Variants in LRRTM4 observed in about 807,000 individuals in gnomAD.
The protein encoded by LRRTM4 is leucine rich repeat transmembrane neuronal 4.
In LRRTM4, 25 loss-of-function variants were observed where a neutral mutation model predicts 47.6. The observed-to-expected ratio is 0.53, with a 90% CI of 0.38 to 0.73. The LOEUF is 0.73. Among genes scored for constraint, LRRTM4 ranks in the 30% least tolerant of loss-of-function variants. The pLI, the probability that LRRTM4 is intolerant of heterozygous loss-of-function variation, is 0.00. For synonymous variants in LRRTM4, 311 were observed against 269.5 expected, an observed-to-expected ratio of 1.15 and a Z score of -1.51; for missense variants, 638 against 713.4, an observed-to-expected ratio of 0.89 and a Z score of 1.20.
intron 3 of LRRTM4, among the ~76,000 whole-genome samples, chr2:76,901,609 G>C (rs769276866): frequency 6.6e-6 from 1 of 152,180 alleles, no homozygotes; most frequent in Non-Finnish European, 1.5e-5. Flanking sequence ...AATTTTTAAA[G>C]ACTTTTCTGT....
Position 77,019,253 on chromosome 2 carries a change from CAAAAAAAAA to C in LRRTM4, c.1552-270346_1552-270338del, listed in dbSNP as rs56028060. Reference sequence around the variant, plus strand: ...GGATACTAAGCTTGTCACTGCTCTACAAAAAAAAAAAAAAAAAAAAAAATATAAGAAGAA... The same window carrying C: ...GGATACTAAGCTTGTCACTGCTCTACAAAAAAAAAAAAAATATAAGAAGAA... On this transcript the variant is annotated intron_variant, in intron 3 of 3. Transcript: ENST00000409884. Among the ~76,000 whole-genome samples, 14 of 80,530 alleles carry C rather than the reference CAAAAAAAAA, an allele frequency of 1.7e-4. 1 individual carries two copies. Among genetic ancestry groups the C allele is most frequent in the African/African-American group, 5.0e-4 (11 of 21,796 alleles). 52.8% of individuals were successfully genotyped at this position (80,530 alleles called of 152,430 possible). A position where few individuals can be genotyped will look rare whatever the true frequency, so the allele number is the denominator to read the frequency against.
intron 3 of LRRTM4, among the ~76,000 whole-genome samples, chr2:76,760,580 A>G (rs1673218536): frequency 6.6e-6 from 1 of 151,908 alleles, no homozygotes; most frequent in Admixed American, 6.6e-5. Context: ...TAAACAGCCT[A>G]CTACCCAGGT....
At chr2:77,444,622 G>A (rs980058603) in intron 3 of LRRTM4, among the ~76,000 whole-genome samples, 3 of 151,380 alleles carry the variant, frequency 2.0e-5, no homozygotes, top group Non-Finnish European at 2.9e-5. Context: ...TAACTTGGGG[G>A]AAAAAACACC....
intron 3 of LRRTM4, among the ~76,000 whole-genome samples, chr2:77,248,870 T>C (rs6547134): frequency 0.69 from 104,353 of 151,950 alleles, 36,476 homozygotes; most frequent in African/African-American, 0.83. Context: ...AAACAGAGAC[T>C]TTATACTCTT....
At chr2:76,850,343 A>T (rs1239589043) in intron 3 of LRRTM4, among the ~76,000 whole-genome samples, 1 of 152,148 alleles carries the variant, frequency 6.6e-6, no homozygotes, top group Non-Finnish European at 1.5e-5. Flanking sequence ...AACGGAAGCA[A>T]TTGTGTGGAA....
chr2:77,099,101 C>G (rs1323785153), intron 3 of LRRTM4, among the ~76,000 whole-genome samples: 1 of 151,866 alleles, frequency 6.6e-6, no homozygotes, highest in Admixed American at 6.6e-5. Context: ...GCTATAGACA[C>G]TATCCTTTTA....
intron 3 of LRRTM4, among the ~76,000 whole-genome samples, chr2:77,014,956 G>A (rs1327860987): frequency 6.6e-6 from 1 of 152,074 alleles, no homozygotes; most frequent in Non-Finnish European, 1.5e-5. Flanking sequence ...CTAGCCTACT[G>A]TCTTTAGTAA....
At chr2:76,836,074 A>G (rs1487708822) in intron 3 of LRRTM4, among the ~76,000 whole-genome samples, 1 of 151,936 alleles carries the variant, frequency 6.6e-6, no homozygotes, top group Non-Finnish European at 1.5e-5. Context: ...AAATAATCAG[A>G]ATACCAATGA....
intron 3 of LRRTM4, among the ~76,000 whole-genome samples, chr2:77,253,070 C>T (rs969863715): frequency 1.3e-5 from 2 of 152,110 alleles, no homozygotes; most frequent in African/African-American, 2.4e-5. Flanking sequence ...CAAGTGTCCA[C>T]GCTAATACCA....
intron 3 of LRRTM4, among the ~76,000 whole-genome samples, chr2:76,835,265 G>A (rs376747249): frequency 5.7e-4 from 86 of 151,092 alleles, no homozygotes; most frequent in African/African-American, 1.9e-3. Flanking sequence ...AAAATATATA[G>A]CCCTGAGAGA....
chr2:76,813,527 T>C (rs1343736906), intron 3 of LRRTM4, among the ~76,000 whole-genome samples: 1 of 152,172 alleles, frequency 6.6e-6, no homozygotes, highest in African/African-American at 2.4e-5. Context: ...TGTTTCTATT[T>C]CATTTTTTAA....
intron 3 of LRRTM4, among the ~76,000 whole-genome samples, chr2:77,173,285 A>C (rs1406197369): frequency 1.3e-5 from 2 of 152,278 alleles, no homozygotes; most frequent in East Asian, 3.9e-4. Flanking sequence ...AAAATCAGTA[A>C]AATACCATCT....
intron 3 of LRRTM4, among the ~76,000 whole-genome samples, chr2:77,404,389 T>G (rs900358008): frequency 2.6e-5 from 4 of 152,062 alleles, no homozygotes; most frequent in African/African-American, 9.7e-5. Flanking sequence ...TTCATTCAAT[T>G]TGATGTCTCA....
intron 3 of LRRTM4, among the ~76,000 whole-genome samples, chr2:76,790,013 G>A (rs918681541): frequency 6.6e-6 from 1 of 152,286 alleles, no homozygotes; most frequent in Non-Finnish European, 1.5e-5. Flanking sequence ...CAGTTCTACT[G>A]TGGGAATTGG....
intron 3 of LRRTM4, among the ~76,000 whole-genome samples, chr2:77,319,937 C>T (rs747792506): frequency 2.8e-4 from 43 of 152,118 alleles, no homozygotes; most frequent in African/African-American, 9.7e-4. Flanking sequence ...TCCCTTCTAG[C>T]GTTGTTCACT....
At chr2:77,003,151 G>T (rs926977504) in intron 3 of LRRTM4, among the ~76,000 whole-genome samples, 1 of 148,612 alleles carries the variant, frequency 6.7e-6, no homozygotes. Context: ...CCCTTATTCT[G>T]TAACTTCAGC....
intron 3 of LRRTM4, among the ~76,000 whole-genome samples, chr2:77,275,931 T>G (rs1676334743): frequency 6.6e-6 from 1 of 152,088 alleles, no homozygotes; most frequent in Non-Finnish European, 1.5e-5. Flanking sequence ...GTCCTCACAA[T>G]TAAGATGACA....
intron 3 of LRRTM4, among the ~76,000 whole-genome samples, chr2:76,949,516 A>G (rs1427364218): frequency 6.6e-6 from 1 of 151,796 alleles, no homozygotes; most frequent in Non-Finnish European, 1.5e-5. Context: ...AAGAGATAAC[A>G]TTTTCAGCCA....
At chr2:77,291,843 C>A (rs1215482378) in intron 3 of LRRTM4, among the ~76,000 whole-genome samples, 2 of 151,814 alleles carry the variant, frequency 1.3e-5, no homozygotes, top group East Asian at 1.9e-4. Flanking sequence ...AAATTGAAAA[C>A]TGGGATCTAA....
Sources: gnomAD v4.1 joint callset for allele counts (sites outside exome capture counted in the v4.1 genomes callset) on GRCh38, gnomAD v4.1.1 for gene constraint, MANE v1.5 for transcripts, NCBI Gene and HGNC (gene_info 2026-07-23, HGNC 2026-07-21) for gene names.